Variants in KBTBD12 observed in about 807,000 individuals in gnomAD.
KBTBD12 encodes the protein kelch repeat and BTB domain containing 12, also known as kelch repeat and BTB domain-containing protein 12.
In KBTBD12, 53 loss-of-function variants were observed where a neutral mutation model predicts 58.7. The observed-to-expected ratio is 0.90, with a 90% CI of 0.72 to 1.14. The LOEUF (loss-of-function observed/expected upper bound fraction) is 1.14. Ranked by LOEUF, KBTBD12 falls within the 50% of genes most tolerant of loss-of-function variation. The pLI, the probability that KBTBD12 is intolerant of heterozygous loss-of-function variation, is 0.00. For synonymous variants in KBTBD12, 236 were observed against 259.8 expected, an observed-to-expected ratio of 0.91 and a Z score of 0.88; for missense variants, 704 against 751.3, an observed-to-expected ratio of 0.94 and a Z score of 0.74.
At chr3:127,954,659 A>T (rs984864318) in intron 4 of KBTBD12, among the ~76,000 whole-genome samples, 1 of 152,214 alleles carries the variant, frequency 6.6e-6, no homozygotes, top group Non-Finnish European at 1.5e-5. Context: ...GCAAAATCAA[A>T]TATAGAAAGT....
chr3:127,919,887 T>A (rs1396151455), intron 1 of KBTBD12, among the ~76,000 whole-genome samples: 1 of 152,208 alleles, frequency 6.6e-6, no homozygotes, highest in Non-Finnish European at 1.5e-5. Context: ...TGCAGTTTTT[T>A]AAAATTTTAA....
At chr3:127,930,397 CA>C (rs1559762541) in intron 4 of KBTBD12, 114 bp downstream of exon 4, 17 of 851,298 alleles carry the variant, frequency 2.0e-5, no homozygotes, top group Non-Finnish European at 3.1e-5. Flanking sequence ...AATTTATATA[CA>C]ACTAGCTGAA....
intron 4 of KBTBD12, among the ~76,000 whole-genome samples, chr3:127,953,388 A>G (rs2107605093): frequency 6.6e-6 from 1 of 152,300 alleles, no homozygotes; most frequent in South Asian, 2.1e-4. Context: ...TGACATACTT[A>G]CTGCACATTC....
intron 4 of KBTBD12, among the ~76,000 whole-genome samples, chr3:127,946,700 T>C (rs1259273791): frequency 6.6e-6 from 1 of 152,194 alleles, no homozygotes; most frequent in Admixed American, 6.5e-5. Flanking sequence ...AGCTTTTGTC[T>C]TTTTAAATAT....
At chr3:127,976,216 T>C (rs1167777937) in intron 5 of KBTBD12, among the ~76,000 whole-genome samples, 1 of 152,216 alleles carries the variant, frequency 6.6e-6, no homozygotes, top group Non-Finnish European at 1.5e-5. Flanking sequence ...ATTGATTCCA[T>C]ATTTTTATTT....
At chr3:127,925,287 G>A (rs1331426942) in intron 2 of KBTBD12, among the ~76,000 whole-genome samples, 1 of 152,142 alleles carries the variant, frequency 6.6e-6, no homozygotes, top group Admixed American at 6.5e-5. Flanking sequence ...TTATCAGGGA[G>A]AGACTACAGA....
intron 5 of KBTBD12, 72 bp from the exon 6 acceptor site, chr3:127,984,025 A>C (rs1259123615): frequency 7.5e-6 from 9 of 1,192,810 alleles, no homozygotes; most frequent in African/African-American, 1.5e-5. Context: ...GAAGTTACTC[A>C]GTATGGTGCT....
chr3:127,920,914 T>TCACCGAGAACATTTATAC (rs1939390358), intron 1 of KBTBD12, among the ~76,000 whole-genome samples: 2 of 152,056 alleles, frequency 1.3e-5, no homozygotes, highest in Admixed American at 1.3e-4. Context: ...CCCATTTATA[T>TCACCGAGAACATTTATAC]CACCGAGAAC....
intron 1 of KBTBD12, among the ~76,000 whole-genome samples, chr3:127,920,497 A>G (rs1037714973): frequency 6.6e-6 from 1 of 151,980 alleles, no homozygotes; most frequent in Non-Finnish European, 1.5e-5. Context: ...TATTTCAAAC[A>G]GTGCTGCTGT....
chr3:127,984,240 C>T lies in KBTBD12; in HGVS notation c.1834C>T (p.Pro612Ser), dbSNP rs2107619654. 1 of 1,613,940 alleles carries T rather than the reference C, an allele frequency of 6.2e-7. No homozygotes were observed. Among genetic ancestry groups the T allele is most frequent in the East Asian group, 2.2e-5 (1 of 44,872 alleles). Residue 612 changes from proline to serine, a missense_variant, in exon 6 of 6, where the codon CCG becomes TCG. Physicochemically the swap from Pro to Ser is moderately conservative, Grantham distance 74. Coordinates refer to ENST00000405109, the MANE Select transcript of KBTBD12 (RefSeq NM_207335.4). ...GATGAATCCCCGAGACCTCATCCCC[C>T]CGCCTTCAGATTTGGTGGAAGAAGG... The part of the protein sequence containing the change: ...ARMNPRDLIP[P>S]PSDLVEEGNE...
chr3:127,934,489 A>G (rs1233898326), intron 4 of KBTBD12, among the ~76,000 whole-genome samples: 1 of 152,142 alleles, frequency 6.6e-6, no homozygotes, highest in Non-Finnish European at 1.5e-5. Flanking sequence ...TGGGAATCCC[A>G]AAAGGAAATG....
In KBTBD12 at chr3:127,925,437, AG is replaced by A. The variant is rs1939546646; in HGVS notation, c.1070+1308del. On this transcript the variant is annotated intron_variant, in intron 2 of 5. Transcript: ENST00000405109. ...TTAGAATCTCTTGACCTGGTACTTC[AG>A]GTTCTTTACATAGTTTTTTTTCTTC... Among the ~76,000 whole-genome samples the A allele has an allele frequency of 2.0e-5, 3 of 152,096 alleles. No individual in the cohort carries two copies. The South Asian group carries it at 6.2e-4, about 32-fold the overall frequency.
chr3:127,932,493 TATAACA>T (rs1939727603), intron 4 of KBTBD12, among the ~76,000 whole-genome samples: 1 of 152,164 alleles, frequency 6.6e-6, no homozygotes, highest in African/African-American at 2.4e-5. Flanking sequence ...TGTCAATTAG[TATAACA>T]ATAAGCCCTC....
At chr3:127,929,277 T>C (rs1288336197) in intron 3 of KBTBD12, among the ~76,000 whole-genome samples, 8 of 152,186 alleles carry the variant, frequency 5.3e-5, no homozygotes, top group Admixed American at 5.2e-4. Context: ...GGGTTGTGCG[T>C]GTGCCATGGT....
chr3:127,929,453 A>G (rs544664678), intron 3 of KBTBD12, among the ~76,000 whole-genome samples: 2 of 152,322 alleles, frequency 1.3e-5, no homozygotes, highest in Non-Finnish European at 2.9e-5. Context: ...TATACAAAAA[A>G]TATTATTTCA....
chr3:127,963,874 G>C (rs1370323423), intron 5 of KBTBD12: 2 of 152,340 alleles, frequency 1.3e-5, no homozygotes, highest in Non-Finnish European at 2.9e-5. Flanking sequence ...AGAAGTGTTG[G>C]GTTTTATCTG....
rs752055180 is a variant in KBTBD12, at chr3:127,923,370, T to A, written c.309T>A (p.Thr103=). 3 of 1,613,816 alleles carry A rather than the reference T, an allele frequency of 1.9e-6. No individual in the cohort carries two copies. In the South Asian group the frequency reaches 3.3e-5, roughly 18 times the overall value. Residue 103 remains threonine, a synonymous_variant, in exon 2 of 6, where the codon ACT becomes ACA. Coordinates refer to ENST00000405109, the MANE Select transcript of KBTBD12 (RefSeq NM_207335.4). The part of the protein sequence containing the change: ...ALEINNANVQ[T]VAMAAYFMQM... ...AGATCAATAATGCCAATGTACAGAC[T>A]GTAGCTATGGCTGCCTATTTTATGC...
At chr3:127,932,241 C>G (rs1031059391) in intron 4 of KBTBD12, among the ~76,000 whole-genome samples, 1 of 152,090 alleles carries the variant, frequency 6.6e-6, no homozygotes, top group Non-Finnish European at 1.5e-5. Context: ...TCTTCCTCAG[C>G]ATTTGCTACT....
At chr3:127,931,079 T>C (rs2107593685) in intron 4 of KBTBD12, among the ~76,000 whole-genome samples, 1 of 152,206 alleles carries the variant, frequency 6.6e-6, no homozygotes, top group East Asian at 1.9e-4. Context: ...CTTTATTTCA[T>C]CCAATCTGCA....
Sources: gnomAD v4.1 joint callset for allele counts (sites outside exome capture counted in the v4.1 genomes callset) on GRCh38, gnomAD v4.1.1 for gene constraint, MANE v1.5 for transcripts, NCBI Gene and HGNC (gene_info 2026-07-23, HGNC 2026-07-21) for gene names.